ZFYVE26: variants seen among roughly 807,000 people sequenced by gnomAD.
ZFYVE26 encodes the protein zinc finger FYVE-type containing 26, also known as zinc finger FYVE domain-containing protein 26.
ZFYVE26 carries 181 observed loss-of-function variants against 276.5 expected under a neutral mutation model. The ratio of observed to expected loss-of-function variants is 0.65; its 90% CI spans 0.58 to 0.74. The LOEUF (loss-of-function observed/expected upper bound fraction) is 0.74. Among genes scored for constraint, ZFYVE26 ranks in the 30% least tolerant of loss-of-function variants. The pLI is 0.00. For missense variants in ZFYVE26, 2,821 were observed against 3,097.9 expected, an observed-to-expected ratio of 0.91 and a Z score of 2.12; for synonymous variants, 1,129 against 1,203.1, an observed-to-expected ratio of 0.94 and a Z score of 1.27.
rs535746028 is a variant in ZFYVE26, at chr14:67,735,209, C to A, written n.2680-5390G>T. ...CCCTTGTTCAGATTCCAGACTCCAT[C>A]ATTTCTCGTGGTGTTCAGGTGCTCC... is the stretch of plus-strand genomic sequence containing the variant. On this transcript the variant is annotated intron_variant and non_coding_transcript_variant, in intron 13 of 14. Coordinates refer to the ZFYVE26 transcript ENST00000394455. 77 of 1,457,752 alleles carry A rather than the reference C, an allele frequency of 5.3e-5. No homozygotes were observed. In the East Asian group the frequency reaches 1.6e-3, roughly 31 times the overall value. 90.3% of individuals were successfully genotyped at this position (1,457,752 alleles called of 1,614,324 possible).
chr14:67,798,860 CCAA>C (rs2040017900), intron 10 of ZFYVE26: 5 of 861,516 alleles, frequency 5.8e-6, no homozygotes, highest in Non-Finnish European at 7.0e-6. Context: ...CGCCCCGAGG[CCAA>C]CCGGGCCTCC....
At chr14:67,797,516 T>A in intron 12 of ZFYVE26, 156 bp downstream of exon 12, 1 of 803,224 alleles carries the variant, frequency 1.2e-6, no homozygotes, top group South Asian at 1.5e-5. Flanking sequence ...AAAGGATACA[T>A]AGGAAACTAT....
chr14:67,748,994 G>T (rs1398590089), intron 41 of ZFYVE26, among the ~76,000 whole-genome samples: 1 of 152,186 alleles, frequency 6.6e-6, no homozygotes, highest in African/African-American at 2.4e-5. Flanking sequence ...CTCGCCCAGA[G>T]TTGTGATTTT....
At position 67,772,120 on chromosome 14, in the gene ZFYVE26, G is replaced by T; in HGVS notation, c.5411C>A (p.Pro1804His). Reference sequence around the variant, plus strand: ...ATCCGGTACCCACTGGTGCCTGGCAGGGGGTGTCGCTGGGGGCACAAATTC... The same window carrying T: ...ATCCGGTACCCACTGGTGCCTGGCATGGGGTGTCGCTGGGGGCACAAATTC... ...SQEFVPPATP[P>H]ARHQWVPDET... The change falls in exon 28 of 42, where the codon CCT (proline) becomes CAT (histidine). Residue 1804 changes from proline (P) to histidine (H), a missense_variant. By Grantham distance (77) the Pro-to-His change is moderately conservative (BLOSUM62 -2). Coordinates refer to ENST00000347230, the MANE Select transcript of ZFYVE26 (RefSeq NM_015346.4). 6.2e-7 allele frequency: 1 copy of T among 1,613,002 alleles called. No individual in the cohort carries two copies. The highest frequency in any genetic ancestry group is 8.5e-7 in the Non-Finnish European group (1 of 1,179,728).
At chr14:67,810,936 A>C (rs750276893) in intron 3 of ZFYVE26, among the ~76,000 whole-genome samples, 1 of 152,208 alleles carries the variant, frequency 6.6e-6, no homozygotes, top group African/African-American at 2.4e-5. Context: ...AGTTTAGAGC[A>C]CAAGACCTAA....
At position 67,809,483 on chromosome 14, in the gene ZFYVE26, C is replaced by T. The variant is rs115871547; in HGVS notation, c.274-194G>A. 4.1e-3 allele frequency among the ~76,000 whole-genome samples: 586 copies of T among 142,416 alleles called. 3 individuals are homozygous for T. The highest frequency in any genetic ancestry group is 0.022 in the Middle Eastern group (5 of 228). The allele number at this position is 142,416 out of a possible 152,430, so 93.4% of individuals were successfully genotyped here. A position where few individuals can be genotyped will look rare whatever the true frequency, so the allele number is the denominator to read the frequency against. On this transcript the variant is annotated intron_variant, in intron 3 of 41. Transcript: ENST00000347230. ...TGTTCCCCAGGCTGGAGTACCGTGGCATGATTTTAGCTTACCGCAACCTCC... is the reference window on the plus strand; with the variant it reads ...TGTTCCCCAGGCTGGAGTACCGTGGTATGATTTTAGCTTACCGCAACCTCC...
Position 67,772,179 on chromosome 14 carries a change from C to T in ZFYVE26, c.5352G>A (p.Arg1784=), listed in dbSNP as rs749248351. The T allele has an allele frequency of 2.5e-6, 4 of 1,613,018 alleles. No individual in the cohort carries two copies. The Admixed American group carries it at 5.0e-5, about 20-fold the overall frequency. The part of the protein sequence containing the change: ...GISSIHSPSL[R]ERSFPPTQPS... ...GCTGGGTTGGTGGGAAACTCCTTTC[C>T]CTTAGACTAGGGGAATGTATACTGG... Residue 1784 remains arginine, a synonymous_variant, in exon 28 of 42, where the codon AGG becomes AGA. Transcript: ENST00000347230.
At chr14:67,742,664 G>C (rs1286974361), downstream of ZFYVE26, among the ~76,000 whole-genome samples, 2 of 152,074 alleles carry the variant, frequency 1.3e-5, no homozygotes, top group Non-Finnish European at 2.9e-5. Flanking sequence ...GGTTCTTCTG[G>C]CTGGGAAGGT....
At chr14:67,741,823 G>T (rs1008167633), downstream of ZFYVE26, among the ~76,000 whole-genome samples, 1 of 152,112 alleles carries the variant, frequency 6.6e-6, no homozygotes, top group African/African-American at 2.4e-5. Context: ...CCTAATCACT[G>T]CCTTCTACTC....
In ZFYVE26 at chr14:67,786,216, C is replaced by A. The variant is rs771678709; in HGVS notation, c.3037G>T (p.Val1013Leu). ...LERRGRRIDHVLLNADGIRGF... is the reference protein window; with the variant it reads ...LERRGRRIDHLLLNADGIRGF... ...CGAATGCCATCAGCATTTAGGAGTA[C>A]GTGGTCTATCCGTCGACCTGGAAAT... is the stretch of plus-strand genomic sequence containing the variant. Residue 1013 changes from valine (V) to leucine (L), a missense_variant, in exon 17 of 42, where the codon GTA (valine) becomes TTA (leucine). Val to Leu is a conservative substitution (Grantham distance 32). Coordinates refer to ENST00000347230, the MANE Select transcript of ZFYVE26 (RefSeq NM_015346.4). The A allele has an allele frequency of 6.3e-7, 1 of 1,599,364 alleles. No individual in the cohort carries two copies. The highest frequency in any genetic ancestry group is 8.5e-7 in the Non-Finnish European group (1 of 1,174,116).
chr14:67,793,475 A>C (rs942341794), intron 14 of ZFYVE26, 133 bp downstream of exon 14: 2 of 989,356 alleles, frequency 2.0e-6, no homozygotes, highest in African/African-American at 1.6e-5. Flanking sequence ...GCACATGGAA[A>C]CCCCCTCTTG....
intron 13 of ZFYVE26, among the ~76,000 whole-genome samples, chr14:67,737,711 A>G (rs968158436): frequency 6.6e-6 from 1 of 152,162 alleles, no homozygotes; most frequent in African/African-American, 2.4e-5. Flanking sequence ...TATCACACAA[A>G]AGAGTAGTAC....
At chr14:67,741,679 C>T (rs1265735350), downstream of ZFYVE26, among the ~76,000 whole-genome samples, 3 of 152,212 alleles carry the variant, frequency 2.0e-5, no homozygotes, top group African/African-American at 7.2e-5. Flanking sequence ...CAAATAACAA[C>T]ATGGTACTGA....
chr14:67,798,948 T>C (rs1212930927), intron 10 of ZFYVE26: 1 of 1,128,544 alleles, frequency 8.9e-7, no homozygotes, highest in Admixed American at 1.7e-5. Flanking sequence ...TCTTTATTTC[T>C]CGCGCCGCGG....
In ZFYVE26 at chr14:67,775,111, G is replaced by C. The variant is rs193244014; in HGVS notation, c.5225C>G (p.Ser1742Cys). 1.2e-4 allele frequency: 196 copies of C among 1,605,588 alleles called. 3 individuals carry two copies. The East Asian group carries it at 4.2e-3, about 34-fold the overall frequency. Residue 1742 changes from serine to cysteine, a missense_variant, in exon 27 of 42, where the codon TCT (serine) becomes TGT (cysteine). Physicochemically the swap from Ser to Cys is moderately radical, Grantham distance 112. Transcript: ENST00000347230. The stretch of plus-strand genomic sequence containing the variant: ...GACAATTTCTTGGAGGTGAATCACA[G>C]AATCTGTAGAGAGGGAAAATGCTGA... Reference protein sequence around the residue: ...PYPQREKRSDSVIHLQEIVHQ... With the variant: ...PYPQREKRSDCVIHLQEIVHQ...
intron 22 of ZFYVE26, 100 bp from the exon 23 acceptor site, chr14:67,780,445 G>T: frequency 9.2e-7 from 1 of 1,083,880 alleles, no homozygotes; most frequent in Non-Finnish European, 1.4e-6. Flanking sequence ...CTAGATCTCT[G>T]CCCCAAAGTC....
exon 14 of ZFYVE26, chr14:67,729,770 C>G (rs201960541): frequency 4.4e-5 from 22 of 503,530 alleles, no homozygotes; most frequent in Non-Finnish European, 7.5e-5. Flanking sequence ...GGAACGTCCT[C>G]TCTCTTCGGT....
At position 67,777,688 on chromosome 14, in the gene ZFYVE26, C is replaced by T. The variant is rs1594906988; in HGVS notation, c.4845G>A (p.Glu1615=). Residue 1615 remains glutamate, a synonymous_variant, in exon 25 of 42, where the codon GAG becomes GAA. Transcript: ENST00000347230. ...PDPTMCLEVT[E]QSLDQHTSLA... is the part of the protein sequence containing the mutation. ...AGCTAGTGTGCTGGTCGAGGGATTG[C>T]TCTGTCACTTCAAGGCACATGGTGG... 1.9e-6 allele frequency: 3 copies of T among 1,614,170 alleles called. No individual in the cohort carries two copies. The highest frequency in any genetic ancestry group is 2.5e-6 in the Non-Finnish European group (3 of 1,180,032).
At chr14:67,781,551 C>T (rs371261649) in intron 21 of ZFYVE26, 22 bp from the exon 22 acceptor site, 1 of 1,612,662 alleles carries the variant, frequency 6.2e-7, no homozygotes, top group African/African-American at 1.3e-5. Flanking sequence ...AAAAGATGCT[C>T]AGAGGCAGCA....
Sources: allele counts gnomAD v4.1 joint callset (sites outside exome capture counted in the v4.1 genomes callset), GRCh38; gene constraint gnomAD v4.1.1; transcripts MANE v1.5; gene names NCBI Gene and HGNC (gene_info 2026-07-23, HGNC 2026-07-21).